Variants in NRG1 observed in about 807,000 individuals in gnomAD.
The protein encoded by NRG1 is pro-neuregulin-1, membrane-bound isoform.
Under a neutral mutation model 63.8 loss-of-function variants are expected in NRG1, and 18 were observed. The observed-to-expected ratio is 0.28, with a 90% CI of 0.19 to 0.42. The LOEUF is 0.42. Among genes scored for constraint, NRG1 ranks in the 10% least tolerant of loss-of-function variants. NRG1 has a pLI of 1.00. For missense variants in NRG1, 762 were observed against 814.7 expected (o/e 0.94, Z 0.79); for synonymous variants, 302 against 301.3 (o/e 1.00, Z -0.02).
chr8:31,894,653 C>T (rs1313011311), intron 1 of NRG1, among the ~76,000 whole-genome samples: 1 of 151,246 alleles, frequency 6.6e-6, no homozygotes, highest in African/African-American at 2.4e-5. Flanking sequence ...CGGGTTCACG[C>T]CATTCTCCTG....
intron 1 of NRG1, among the ~76,000 whole-genome samples, chr8:32,475,860 A>C (rs541863658): frequency 6.6e-6 from 1 of 152,332 alleles, no homozygotes; most frequent in Non-Finnish European, 1.5e-5. Flanking sequence ...ATTTGCAATA[A>C]AAATTATTAA....
chr8:32,551,376 T>C (rs1164707388), intron 1 of NRG1, among the ~76,000 whole-genome samples: 7 of 152,210 alleles, frequency 4.6e-5, no homozygotes, highest in African/African-American at 1.4e-4. Context: ...CTTGATGATA[T>C]GTATGCAATA....
At position 32,512,736 on chromosome 8, in the gene NRG1, T is replaced by C. The variant is rs554746631; in HGVS notation, c.38-83092T>C. Among the ~76,000 whole-genome samples, 8 of 152,312 alleles carry C rather than the reference T, an allele frequency of 5.3e-5. No homozygotes were observed. In the East Asian group the frequency reaches 1.5e-3, roughly 29 times the overall value. On this transcript the variant is annotated intron_variant, in intron 1 of 10. Coordinates refer to the NRG1 transcript ENST00000519301. ...CTTCAGTCTTAGACATAATACCATATTGCCTTCCTGGTACAATGGATGCTT... is the reference window on the plus strand; with the variant it reads ...CTTCAGTCTTAGACATAATACCATACTGCCTTCCTGGTACAATGGATGCTT...
chr8:32,640,200 T>C (rs555920347), intron 5 of NRG1, among the ~76,000 whole-genome samples: 3 of 151,960 alleles, frequency 2.0e-5, no homozygotes, highest in South Asian at 4.2e-4. Flanking sequence ...AACCTCAGAT[T>C]AGTCTGCATA....
At chr8:31,877,323 G>T (rs1277241643) in intron 1 of NRG1, among the ~76,000 whole-genome samples, 1 of 152,042 alleles carries the variant, frequency 6.6e-6, no homozygotes, top group Non-Finnish European at 1.5e-5. Flanking sequence ...CCGTATTTAT[G>T]AGCTGGTATA....
intron 1 of NRG1, among the ~76,000 whole-genome samples, chr8:32,246,823 T>G (rs1848632185): frequency 6.6e-6 from 1 of 151,908 alleles, no homozygotes; most frequent in Middle Eastern, 3.4e-3. Context: ...GTGGAGGGAA[T>G]GGGGAGGTGA....
intron 5 of NRG1, among the ~76,000 whole-genome samples, chr8:32,644,245 A>G (rs989108463): frequency 1.3e-5 from 2 of 152,140 alleles, no homozygotes; most frequent in African/African-American, 2.4e-5. Flanking sequence ...AAAATTGTGT[A>G]GTTTATTTTT....
At chr8:31,777,021 C>T (rs190015588) in intron 1 of NRG1, among the ~76,000 whole-genome samples, 205 of 152,192 alleles carry the variant, frequency 1.3e-3, no homozygotes, top group Non-Finnish European at 2.2e-3. Context: ...TAGAAATACA[C>T]GTATGTTTAT....
intron 3 of NRG1, among the ~76,000 whole-genome samples, chr8:32,607,283 T>C (rs1845433170): frequency 6.6e-6 from 1 of 152,218 alleles, no homozygotes; most frequent in African/African-American, 2.4e-5. Context: ...TTTAATGGGC[T>C]GTTTTTTACT....
intron 1 of NRG1, chr8:32,442,541 C>G (rs1255397747): frequency 6.6e-6 from 1 of 152,168 alleles, no homozygotes; most frequent in Non-Finnish European, 1.5e-5. Context: ...CAAGAGAAAA[C>G]CAAGTGGCTT....
intron 1 of NRG1, among the ~76,000 whole-genome samples, chr8:32,210,007 T>A (rs1439507770): frequency 6.6e-6 from 1 of 152,188 alleles, no homozygotes; most frequent in East Asian, 1.9e-4. Flanking sequence ...TTCAGATTTA[T>A]CTTCTGTAAA....
chr8:31,725,485 A>G (rs1180504013), intron 1 of NRG1, among the ~76,000 whole-genome samples: 2 of 152,136 alleles, frequency 1.3e-5, no homozygotes, highest in Non-Finnish European at 2.9e-5. Flanking sequence ...TTTCTGTGCA[A>G]AAACAAATGT....
chr8:31,997,419 G>A (rs1418116991), intron 1 of NRG1, among the ~76,000 whole-genome samples: 2 of 151,914 alleles, frequency 1.3e-5, no homozygotes, highest in Non-Finnish European at 2.9e-5. Flanking sequence ...GGGTGCAAAT[G>A]TTCCTTGCTG....
intron 1 of NRG1, among the ~76,000 whole-genome samples, chr8:32,013,941 C>T (rs1290818052): frequency 1.3e-5 from 2 of 152,116 alleles, no homozygotes; most frequent in African/African-American, 2.4e-5. Context: ...TTCACCAACT[C>T]AAAATAGGAA....
At chr8:32,077,810 A>G (rs1484781702) in intron 1 of NRG1, among the ~76,000 whole-genome samples, 1 of 152,120 alleles carries the variant, frequency 6.6e-6, no homozygotes, top group Admixed American at 6.6e-5. Flanking sequence ...TGAGAAGGGT[A>G]GGCAGTTTGA....
chr8:32,675,710 G>A (rs777054610), intron 5 of NRG1, among the ~76,000 whole-genome samples: 10 of 152,130 alleles, frequency 6.6e-5, no homozygotes, highest in Non-Finnish European at 1.3e-4. Flanking sequence ...TGGTATGCAC[G>A]TATATGGGTG....
chr8:31,640,874 G>T lies in NRG1; in HGVS notation c.37+1443G>T. ...GGTTTCAGGGTGGTGGGTTCTCAGC[G>T]ATCCTCAGAGAGGGAGGTTTCGCTT... On this transcript the variant is annotated intron_variant, in intron 1 of 10. Transcript: ENST00000519301. This position sits in a 1 kb window ranked among gnomAD's most constrained non-coding sequence, Gnocchi z 6.3. 1.5e-6 allele frequency: 2 copies of T among 1,370,822 alleles called. No homozygotes were observed. The highest frequency in any genetic ancestry group is 1.9e-6 in the Non-Finnish European group (2 of 1,064,342). The allele number at this position is 1,370,822 out of a possible 1,614,324, so 84.9% of individuals were successfully genotyped here. A position where few individuals can be genotyped will look rare whatever the true frequency, so the allele number is the denominator to read the frequency against.
At chr8:32,146,608 T>G (rs1487490602) in intron 1 of NRG1, among the ~76,000 whole-genome samples, 4 of 152,146 alleles carry the variant, frequency 2.6e-5, no homozygotes, top group African/African-American at 7.2e-5. Flanking sequence ...CACAAAAGGG[T>G]TGAGACCTTT....
chr8:31,757,201 A>G (rs1262567207), intron 1 of NRG1, among the ~76,000 whole-genome samples: 1 of 152,066 alleles, frequency 6.6e-6, no homozygotes, highest in Non-Finnish European at 1.5e-5. Flanking sequence ...TCTCCCTCTT[A>G]TACTACTCTT....
Sources: allele counts gnomAD v4.1 joint callset (sites outside exome capture counted in the v4.1 genomes callset), GRCh38; gene constraint gnomAD v4.1.1; non-coding constraint Gnocchi (gnomAD v3.1); transcripts MANE v1.5; gene names NCBI Gene and HGNC (gene_info 2026-07-23, HGNC 2026-07-21).